The following TACR1 variants were observed in gnomAD, a reference collection of about 807,000 sequenced individuals.
The protein encoded by TACR1 is tachykinin receptor 1, also known as substance-P receptor.
Under a neutral mutation model 35.8 loss-of-function variants are expected in TACR1, and 25 were observed. The observed-to-expected ratio is 0.70, with a 90% CI of 0.51 to 0.98. The LOEUF is 0.98. Ranked by LOEUF, TACR1 falls within the 50% of genes least tolerant of loss-of-function variation. TACR1 has a pLI of 0.00. For synonymous variants in TACR1, 195 were observed against 206.7 expected, an observed-to-expected ratio of 0.94 and a Z score of 0.48; for missense variants, 478 against 522.9, an observed-to-expected ratio of 0.91 and a Z score of 0.84.
At chr2:75,161,413 G>A (rs1201212325) in intron 1 of TACR1, among the ~76,000 whole-genome samples, 1 of 151,812 alleles carries the variant, frequency 6.6e-6, no homozygotes, top group Non-Finnish European at 1.5e-5. Flanking sequence ...TAAAAAACTG[G>A]GACAGTGAGA....
chr2:75,066,773 A>C (rs553091868), intron 2 of TACR1, among the ~76,000 whole-genome samples: 1 of 152,356 alleles, frequency 6.6e-6, no homozygotes, highest in African/African-American at 2.4e-5. Context: ...TACAGTTTCC[A>C]TTAACAAATT....
chr2:75,130,511 G>A (rs1266412903), intron 1 of TACR1, among the ~76,000 whole-genome samples: 1 of 152,228 alleles, frequency 6.6e-6, no homozygotes, highest in African/African-American at 2.4e-5. Flanking sequence ...TTCTTGTATA[G>A]TGTAAATCCA....
intron 2 of TACR1, among the ~76,000 whole-genome samples, chr2:75,095,912 C>T (rs1045894721): frequency 1.3e-5 from 2 of 152,186 alleles, no homozygotes; most frequent in African/African-American, 4.8e-5. Context: ...GAGAAAGATT[C>T]TCCTGGCCTG....
At chr2:75,173,735 T>C (rs537686362) in intron 1 of TACR1, among the ~76,000 whole-genome samples, 6 of 152,338 alleles carry the variant, frequency 3.9e-5, no homozygotes, top group African/African-American at 1.4e-4. Flanking sequence ...TATCTACTCT[T>C]TTAACTTGAA....
intron 1 of TACR1, among the ~76,000 whole-genome samples, chr2:75,182,250 C>T (rs1675576444): frequency 1.3e-5 from 2 of 152,200 alleles, no homozygotes; most frequent in East Asian, 1.9e-4. Flanking sequence ...AGGGACTTCT[C>T]CTGTACCCCC....
intron 2 of TACR1, among the ~76,000 whole-genome samples, chr2:75,078,948 C>T (rs1416735154): frequency 6.6e-6 from 1 of 152,074 alleles, no homozygotes; most frequent in African/African-American, 2.4e-5. Flanking sequence ...AAAAATATGA[C>T]AAAATATTCT....
chr2:75,148,599 T>G (rs2103961048), intron 1 of TACR1, among the ~76,000 whole-genome samples: 1 of 152,352 alleles, frequency 6.6e-6, no homozygotes, highest in South Asian at 2.1e-4. Context: ...CTGTTTAAGT[T>G]CCTTGTAAAT....
At chr2:75,113,531 C>CA (rs1673791617) in intron 2 of TACR1, among the ~76,000 whole-genome samples, 1 of 110,604 alleles carries the variant, frequency 9.0e-6, no homozygotes, top group Non-Finnish European at 1.8e-5. Context: ...TTTTCTTCTT[C>CA]CTTTTTTTTT....
intron 2 of TACR1, among the ~76,000 whole-genome samples, chr2:75,105,569 T>C (rs1673623086): frequency 1.3e-5 from 2 of 152,062 alleles, no homozygotes; most frequent in African/African-American, 4.8e-5. Flanking sequence ...GTGATAAATA[T>C]TTTAATCAGC....
At chr2:75,185,489 T>C (rs937885703) in intron 1 of TACR1, among the ~76,000 whole-genome samples, 30 of 152,138 alleles carry the variant, frequency 2.0e-4, no homozygotes, top group African/African-American at 7.0e-4. Context: ...GCCTTTAATA[T>C]AGCCTCAACC....
intron 1 of TACR1, among the ~76,000 whole-genome samples, chr2:75,181,856 C>A (rs1034774200): frequency 6.6e-5 from 10 of 152,214 alleles, no homozygotes; most frequent in African/African-American, 2.4e-4. Flanking sequence ...GTTTACAATT[C>A]TTTCCTCCCA....
chr2:75,105,719 C>G (rs1399223339), intron 2 of TACR1, among the ~76,000 whole-genome samples: 1 of 151,664 alleles, frequency 6.6e-6, no homozygotes, highest in East Asian at 1.9e-4. Flanking sequence ...TAGCATATAC[C>G]CTCTAATGAG....
chr2:75,175,199 C>G (rs1675383430), intron 1 of TACR1, among the ~76,000 whole-genome samples: 1 of 152,154 alleles, frequency 6.6e-6, no homozygotes, highest in Admixed American at 6.5e-5. Flanking sequence ...CTCAGGGGAG[C>G]TCCTGGCATT....
chr2:75,109,452 T>C (rs188622114), intron 2 of TACR1, among the ~76,000 whole-genome samples: 105 of 152,326 alleles, frequency 6.9e-4, no homozygotes, highest in Non-Finnish European at 2.2e-4. Flanking sequence ...CATACCGGAC[T>C]ACAGTTATTA....
intron 2 of TACR1, among the ~76,000 whole-genome samples, chr2:75,101,974 A>C (rs1053011600): frequency 1.3e-5 from 2 of 152,144 alleles, no homozygotes; most frequent in Non-Finnish European, 2.9e-5. Context: ...AAATAAAAAA[A>C]TAAAAATAAA....
At chr2:75,135,799 C>G (rs1043559040) in intron 1 of TACR1, among the ~76,000 whole-genome samples, 1 of 152,122 alleles carries the variant, frequency 6.6e-6, no homozygotes, top group African/African-American at 2.4e-5. Flanking sequence ...CATATTGGGC[C>G]TCCTCCAGAG....
intron 1 of TACR1, among the ~76,000 whole-genome samples, chr2:75,148,177 C>G (rs1558569252): frequency 1.3e-5 from 2 of 152,302 alleles, no homozygotes; most frequent in East Asian, 3.9e-4. Context: ...CTGCAATAAA[C>G]ATACGTATGC....
intron 1 of TACR1, chr2:75,188,517 A>G (rs1037243668): frequency 2.0e-5 from 3 of 152,244 alleles, no homozygotes; most frequent in African/African-American, 7.2e-5. Context: ...TCATCAGTCC[A>G]TCTGTGGCTT....
chr2:75,125,083 G>A (rs1674047271), intron 1 of TACR1, among the ~76,000 whole-genome samples: 1 of 152,212 alleles, frequency 6.6e-6, no homozygotes, highest in South Asian at 2.1e-4. Context: ...CCTTGTGGCT[G>A]TGTTTGTTGC....
Sources: gnomAD v4.1 joint callset for allele counts (sites outside exome capture counted in the v4.1 genomes callset) on GRCh38, gnomAD v4.1.1 for gene constraint, MANE v1.5 for transcripts, NCBI Gene and HGNC (gene_info 2026-07-23, HGNC 2026-07-21) for gene names.